PSIP1: variants seen among roughly 807,000 people sequenced by gnomAD.
The protein encoded by PSIP1 is PC4 and SRSF1 interacting protein 1, also known as PC4 and SFRS1-interacting protein.
PSIP1 carries 19 observed loss-of-function variants against 74.7 expected under a neutral mutation model. The observed-to-expected ratio is 0.25, with a 90% confidence interval of 0.18 to 0.37. The LOEUF (loss-of-function observed/expected upper bound fraction) is 0.37. PSIP1 is among the 10% of genes least tolerant of loss of function. The pLI, the probability that PSIP1 is intolerant of heterozygous loss-of-function variation, is 1.00. For missense variants in PSIP1, 601 were observed against 614.3 expected (o/e 0.98, Z 0.23); for synonymous variants, 222 against 195.3 (o/e 1.14, Z -1.14).
rs1462057643 is a variant in PSIP1, at chr9:15,468,974, T to G, written c.1189A>C (p.Ile397Leu). ...TCACTTACTTTTTTCAGTGTAGTAA[T>G]CATCTCTGTGTGTTTCTGAGCTTGT... Reference protein sequence around the residue: ...MQQAQKHTEMITTLKKIRRFK... With the variant: ...MQQAQKHTEMLTTLKKIRRFK... Residue 397 changes from isoleucine to leucine, a missense_variant, in exon 13 of 16, where the codon ATT becomes CTT. Physicochemically the swap from Ile to Leu is conservative, Grantham distance 5 (BLOSUM62 2). This residue lies in a region of PSIP1 where 538 missense variants were observed against 507.6 expected (regional missense o/e 1.06). Coordinates refer to ENST00000380733, the MANE Select transcript of PSIP1 (RefSeq NM_033222.5). 6.2e-7 allele frequency: 1 copy of G among 1,613,830 alleles called. No homozygotes were observed. Among genetic ancestry groups the G allele is most frequent in the Non-Finnish European group, 8.5e-7 (1 of 1,179,940 alleles).
At chr9:15,474,518 G>T (rs2132061697) in intron 8 of PSIP1, among the ~76,000 whole-genome samples, 1 of 152,316 alleles carries the variant, frequency 6.6e-6, no homozygotes, top group East Asian at 1.9e-4. Context: ...AAATGGAATT[G>T]CGGAAGTGAA....
chr9:15,467,261 T>C (rs1260913190), intron 14 of PSIP1, among the ~76,000 whole-genome samples: 1 of 152,238 alleles, frequency 6.6e-6, no homozygotes, highest in African/African-American at 2.4e-5. Flanking sequence ...ATTTACTATT[T>C]TAGAACAAAG....
chr9:15,464,676 T>A lies in PSIP1; in HGVS notation c.*844A>T. 5.0e-6 allele frequency: 1 copy of A among 198,084 alleles called. No homozygotes were observed. The highest frequency in any genetic ancestry group is 2.3e-5 in the African/African-American group (1 of 43,500). The allele number at this position is 198,084 out of a possible 1,614,324, so 12.3% of individuals were successfully genotyped here. A position where few individuals can be genotyped will look rare whatever the true frequency, so the allele number is the denominator to read the frequency against. On this transcript the variant is annotated 3_prime_UTR_variant, in exon 16 of 16. Transcript: ENST00000380733. ...GTTTTAGTGACTTCCTAAAGACATT[T>A]TTAACAACATTCCTCAAAAATAAAC...
intron 3 of PSIP1, among the ~76,000 whole-genome samples, chr9:15,504,066 A>G (rs1297275649): frequency 1.3e-5 from 2 of 152,204 alleles, no homozygotes; most frequent in Admixed American, 1.3e-4. Flanking sequence ...CTTAAGTACA[A>G]AAGAAGTCAC....
At chr9:15,510,734 G>C (rs1160418839) in intron 1 of PSIP1, 83 bp downstream of exon 1, 1 of 152,034 alleles carries the variant, frequency 6.6e-6, no homozygotes, top group Non-Finnish European at 1.5e-5. Context: ...TCGGCTCCCG[G>C]GCGGGCCGCG....
chr9:15,504,088 C>T (rs1181436423), intron 3 of PSIP1, among the ~76,000 whole-genome samples: 1 of 152,188 alleles, frequency 6.6e-6, no homozygotes, highest in Non-Finnish European at 1.5e-5. Flanking sequence ...ACCAGACCAA[C>T]ATACATATGG....
intron 3 of PSIP1, chr9:15,505,653 T>A (rs1183947492): frequency 6.8e-6 from 1 of 146,974 alleles, no homozygotes; most frequent in African/African-American, 2.4e-5. Context: ...TGATAGTCAA[T>A]ATACTAAAAT....
intron 6 of PSIP1, among the ~76,000 whole-genome samples, chr9:15,480,789 G>A (rs773378128): frequency 2.6e-5 from 4 of 152,032 alleles, no homozygotes; most frequent in Admixed American, 6.5e-5. Flanking sequence ...GGCTTGTGGC[G>A]CACACCTATA....
intron 3 of PSIP1, among the ~76,000 whole-genome samples, chr9:15,496,158 A>G (rs2132176872): frequency 6.6e-6 from 1 of 152,368 alleles, no homozygotes; most frequent in Middle Eastern, 3.4e-3. Flanking sequence ...GTAGGTTGAA[A>G]GACTAGCAGC....
intron 2 of PSIP1, among the ~76,000 whole-genome samples, chr9:15,509,421 T>C (rs1169587997): frequency 6.6e-6 from 1 of 152,240 alleles, no homozygotes; most frequent in African/African-American, 2.4e-5. Context: ...GGGTCCTTAA[T>C]CATTTCTCTG....
intron 2 of PSIP1, 71 bp downstream of exon 2, chr9:15,510,046 A>C: frequency 7.0e-7 from 1 of 1,419,506 alleles, no homozygotes; most frequent in Non-Finnish European, 9.7e-7. Flanking sequence ...AAAAATAAAG[A>C]GACACGGTGG....
rs1225392188 is a variant in PSIP1, at chr9:15,478,643, T to C, written c.554-91A>G. On this transcript the variant is annotated intron_variant, in intron 7 of 15. Coordinates refer to ENST00000380733, the MANE Select transcript of PSIP1 (RefSeq NM_033222.5). Reference sequence around the variant, plus strand: ...TAAATATTAGAAATGATACATACTATTTAAGAATATTAGTAGCTTATTACA... The same window carrying C: ...TAAATATTAGAAATGATACATACTACTTAAGAATATTAGTAGCTTATTACA... The C allele has an allele frequency of 5.8e-6, 5 of 856,716 alleles. No individual in the cohort carries two copies. The East Asian group carries it at 1.3e-4, about 23-fold the overall frequency. The allele number at this position is 856,716 out of a possible 1,614,324, so 53.1% of individuals were successfully genotyped here.
chr9:15,471,447 T>C, intron 10 of PSIP1: 2 of 1,427,152 alleles, frequency 1.4e-6, no homozygotes, highest in Non-Finnish European at 1.8e-6. Flanking sequence ...TAAAGAAGGG[T>C]TGGGCTACAT....
chr9:15,497,621 G>A (rs949347601), intron 3 of PSIP1, among the ~76,000 whole-genome samples: 3 of 152,022 alleles, frequency 2.0e-5, no homozygotes, highest in South Asian at 2.1e-4. Context: ...CACCGCGCCC[G>A]GCTGATTCCA....
intron 6 of PSIP1, 44 bp from the exon 7 acceptor site, chr9:15,479,731 C>A: frequency 1.3e-6 from 2 of 1,519,754 alleles, no homozygotes; most frequent in Non-Finnish European, 9.1e-7. Flanking sequence ...AAATAGTAGG[C>A]ACTCAAAGTT....
At chr9:15,481,678 C>T (rs2036342620) in intron 6 of PSIP1, among the ~76,000 whole-genome samples, 1 of 150,606 alleles carries the variant, frequency 6.6e-6, no homozygotes, top group African/African-American at 2.4e-5. Flanking sequence ...AGCAAGACTC[C>T]GTCTCAAAAA....
intron 14 of PSIP1, 62 bp from the exon 15 acceptor site, chr9:15,466,921 C>G: frequency 8.0e-7 from 1 of 1,243,082 alleles, no homozygotes; most frequent in African/African-American, 1.5e-5. Context: ...TTGAAGGTGT[C>G]CACTAAAGAT....
At chr9:15,473,351 T>G (rs1261942485) in intron 9 of PSIP1, among the ~76,000 whole-genome samples, 1 of 152,156 alleles carries the variant, frequency 6.6e-6, no homozygotes, top group Non-Finnish European at 1.5e-5. Flanking sequence ...CTTTTAACAT[T>G]TGTCTTCACT....
chr9:15,496,948 T>C (rs925589799), intron 3 of PSIP1, among the ~76,000 whole-genome samples: 10 of 152,024 alleles, frequency 6.6e-5, no homozygotes, highest in South Asian at 6.2e-4. Flanking sequence ...TGTGGAGAAA[T>C]TGGAACCCTC....
Sources: gnomAD v4.1 joint callset for allele counts (sites outside exome capture counted in the v4.1 genomes callset) on GRCh38, gnomAD v4.1.1 for gene constraint, gnomAD v4.1.1 regional missense constraint, MANE v1.5 for transcripts, NCBI Gene and HGNC (gene_info 2026-07-23, HGNC 2026-07-21) for gene names.